The following STK17B variants were observed in gnomAD, a reference collection of about 807,000 sequenced individuals.
The protein encoded by STK17B is serine/threonine kinase 17b.
Under a neutral mutation model 42.0 loss-of-function variants are expected in STK17B, and 21 were observed. The observed-to-expected ratio is 0.50, with a 90% CI of 0.35 to 0.72. The LOEUF is 0.72. Ranked by LOEUF, STK17B falls within the 30% of genes least tolerant of loss-of-function variation. The pLI is 0.00. For synonymous variants in STK17B, 143 were observed against 148.4 expected (o/e 0.96, Z 0.26); for missense variants, 349 against 446.0 (o/e 0.78, Z 1.96).
Position 196,134,079 on chromosome 2 carries a change from G to T in STK17B, c.*3368C>A, listed in dbSNP as rs530354952. On this transcript the variant is annotated 3_prime_UTR_variant, in exon 8 of 8. Coordinates refer to ENST00000263955, the MANE Select transcript of STK17B (RefSeq NM_004226.4). ...ATTTATAAATGTTGCTTAGAGGAAG[G>T]CTATTCAAAGCATGGTCCATTAACT... 242 of 152,300 alleles carry T rather than the reference G, an allele frequency of 1.6e-3. 1 individual carries two copies. The highest frequency in any genetic ancestry group is 5.6e-3 in the African/African-American group (234 of 41,574). 9.4% of individuals were successfully genotyped at this position (152,300 alleles called of 1,614,324 possible).
chr2:196,155,961 A>C (rs1386187442), intron 3 of STK17B: 2 of 154,632 alleles, frequency 1.3e-5, no homozygotes, highest in African/African-American at 4.8e-5. Flanking sequence ...ACAATGTATT[A>C]AGCAAAGTTT....
chr2:196,141,442 CT>C, intron 5 of STK17B, 145 bp from the exon 6 acceptor site: 1 of 624,310 alleles, frequency 1.6e-6, no homozygotes, highest in Non-Finnish European at 2.8e-6. Flanking sequence ...GGCAGATCAC[CT>C]GAGATCACAG....
In STK17B at chr2:196,156,627, T is replaced by C. The variant is rs2105702565; in HGVS notation, c.147A>G (p.Gln49=). Residue 49 remains glutamine, a synonymous_variant, in exon 3 of 8, where the codon CAA becomes CAG. Coordinates refer to ENST00000263955, the MANE Select transcript of STK17B (RefSeq NM_004226.4). The part of the protein sequence containing the change: ...LGRGKFAVVR[Q]CISKSTGQEY... Reference sequence around the variant, plus strand: ...CTTGGCCAGTAGATTTTGATATACATTGTCTAACCACAGCAAATTTTCCTC... The same window carrying C: ...CTTGGCCAGTAGATTTTGATATACACTGTCTAACCACAGCAAATTTTCCTC... 1 of 1,612,270 alleles carries C rather than the reference T, an allele frequency of 6.2e-7. No individual in the cohort carries two copies. Among genetic ancestry groups the C allele is most frequent in the Non-Finnish European group, 8.5e-7 (1 of 1,179,352 alleles).
intron 3 of STK17B, among the ~76,000 whole-genome samples, chr2:196,152,109 T>C (rs1165299341): frequency 0.019 from 2 of 104 alleles, no homozygotes; most frequent in African/African-American, 0.026. Flanking sequence ...AAAAGTGCCT[T>C]TTTTTTTTTT....
rs1219640688 is a variant in STK17B, at chr2:196,134,493, T to TC, written c.*2953dup. ...ATGTACTTGAATCATCCTGAAACCA[T>TC]CCCCCTAAACCCCCAGTCCTGTGGA... On this transcript the variant is annotated 3_prime_UTR_variant, in exon 8 of 8. Transcript: ENST00000263955. The TC allele has an allele frequency of 6.6e-6, 1 of 151,866 alleles. No homozygotes were observed. Among genetic ancestry groups the TC allele is most frequent in the East Asian group, 1.9e-4 (1 of 5,182 alleles). 9.4% of individuals were successfully genotyped at this position (151,866 alleles called of 1,614,324 possible).
chr2:196,152,874 A>C (rs563278183), intron 3 of STK17B, among the ~76,000 whole-genome samples: 37 of 152,356 alleles, frequency 2.4e-4, no homozygotes, highest in South Asian at 1.4e-3. Flanking sequence ...AATAGGAATG[A>C]GAGCAAGATT....
At chr2:196,171,615 CA>C (rs1297971877), upstream of STK17B, 1 of 152,032 alleles carries the variant, frequency 6.6e-6, no homozygotes, top group Non-Finnish European at 1.5e-5. Context: ...CGCCGTTCGC[CA>C]GATCCCTCCC....
At chr2:196,141,969 T>C (rs1203844839) in intron 5 of STK17B, among the ~76,000 whole-genome samples, 1 of 152,184 alleles carries the variant, frequency 6.6e-6, no homozygotes, top group Non-Finnish European at 1.5e-5. Flanking sequence ...ATTATTTTCT[T>C]AGATTAATTT....
rs1032688139 is a variant in STK17B at position 196,134,316 on chromosome 2, G to A, written c.*3131C>T. The A allele has an allele frequency of 6.6e-6, 1 of 151,848 alleles. No individual in the cohort carries two copies. The highest frequency in any genetic ancestry group is 2.4e-5 in the African/African-American group (1 of 41,296). 9.4% of individuals were successfully genotyped at this position (151,848 alleles called of 1,614,324 possible). A position where few individuals can be genotyped will look rare whatever the true frequency, so the allele number is the denominator to read the frequency against. ...GCCACGACCGGGCTGCATAGAAGGT[G>A]GGGGGCGGTGCCAAGCATTACTGCC... is the stretch of plus-strand genomic sequence containing the variant. On this transcript the variant is annotated 3_prime_UTR_variant, in exon 8 of 8. Transcript: ENST00000263955.
chr2:196,152,226 C>G (rs1699675081), intron 3 of STK17B, among the ~76,000 whole-genome samples: 1 of 151,998 alleles, frequency 6.6e-6, no homozygotes, highest in Admixed American at 6.5e-5. Context: ...CCTGCCTCAG[C>G]CTCCTGAGTA....
In STK17B at chr2:196,137,502, C is replaced by T. The variant is rs751279324; in HGVS notation, c.1064G>A (p.Arg355His). ...EDSSMVSKRF[R>H]FDDSLPNPHE... The stretch of plus-strand genomic sequence containing the variant: ...GGGATTGGGTAATGAGTCATCGAAA[C>T]GAAATCTTTTGGAAACCATGCTGCT... The change falls in exon 8 of 8, where the codon CGT becomes CAT. Residue 355 changes from arginine (R) to histidine (H), a missense_variant. By Grantham distance (29) the Arg-to-His change is conservative. Coordinates refer to ENST00000263955, the MANE Select transcript of STK17B (RefSeq NM_004226.4). The T allele has an allele frequency of 8.1e-6, 13 of 1,613,898 alleles. No homozygotes were observed. The highest frequency in any genetic ancestry group is 1.7e-5 in the Admixed American group (1 of 59,996).
intron 2 of STK17B, among the ~76,000 whole-genome samples, chr2:196,159,367 G>A (rs1323493840): frequency 6.8e-6 from 1 of 148,046 alleles, no homozygotes; most frequent in African/African-American, 2.5e-5. Context: ...ATGGAGTGCA[G>A]TGGCAGGATC....
Position 196,166,681 on chromosome 2 carries a change from T to C in STK17B, c.-44-3254A>G, listed in dbSNP as rs148526758. 2.1e-3 allele frequency among the ~76,000 whole-genome samples: 321 copies of C among 152,228 alleles called. 1 individual carries two copies. Among genetic ancestry groups the C allele is most frequent in the African/African-American group, 7.0e-3 (292 of 41,528 alleles). On this transcript the variant is annotated intron_variant, in intron 1 of 7. Coordinates refer to ENST00000263955, the MANE Select transcript of STK17B (RefSeq NM_004226.4). ...TCATTATAATAATTACCAAAAGAAT[T>C]TGGAAGTAGATCAGTGAAGGAAGGA...
upstream of STK17B, chr2:196,171,636 G>C (rs921720826): frequency 8.5e-5 from 13 of 152,156 alleles, no homozygotes; most frequent in Admixed American, 7.9e-4. Flanking sequence ...CCCTAGGTCG[G>C]GAGAGCCAAT....
Position 196,140,554 on chromosome 2 carries a change from G to A in STK17B, c.656+695C>T, listed in dbSNP as rs528521548. ...TGGGTGGGCCTGACCTAATTATTCT[G>A]CTTAACAAATACCTTCTTCTAGCTT... On this transcript the variant is annotated intron_variant, in intron 6 of 7. Transcript: ENST00000263955. Among the ~76,000 whole-genome samples, 7 of 144,846 alleles carry A rather than the reference G, an allele frequency of 4.8e-5. No individual in the cohort carries two copies. In the South Asian group the frequency reaches 1.3e-3, roughly 28 times the overall value.
At position 196,140,577 on chromosome 2, in the gene STK17B, C is replaced by CCTTTTT. The variant is rs1334737441; in HGVS notation, c.656+671_656+672insAAAAAG. On this transcript the variant is annotated intron_variant, in intron 6 of 7. Coordinates refer to ENST00000263955, the MANE Select transcript of STK17B (RefSeq NM_004226.4). The stretch of plus-strand genomic sequence containing the variant: ...CTGCTTAACAAATACCTTCTTCTAG[C>CCTTTTT]TTTTTTTTTTTTTTTTTTTTTTTGT... Among the ~76,000 whole-genome samples the CCTTTTT allele has an allele frequency of 4.9e-5, 5 of 101,478 alleles. 1 individual carries two copies. The highest frequency in any genetic ancestry group is 1.9e-5 in the Non-Finnish European group (1 of 51,760). 66.6% of individuals were successfully genotyped at this position (101,478 alleles called of 152,430 possible). A position where few individuals can be genotyped will look rare whatever the true frequency, so the allele number is the denominator to read the frequency against.
At position 196,137,345 on chromosome 2, in the gene STK17B, A is replaced by G; in HGVS notation, c.*102T>C. The G allele has an allele frequency of 1.6e-6, 2 of 1,257,016 alleles. No individual in the cohort carries two copies. The highest frequency in any genetic ancestry group is 2.2e-6 in the Non-Finnish European group (2 of 919,616). The allele number at this position is 1,257,016 out of a possible 1,614,324, so 77.9% of individuals were successfully genotyped here. ...CCTAAATTATTCCATGGAAAAGTGC[A>G]TTTACAATATAAACATGTCATATAT... On this transcript the variant is annotated 3_prime_UTR_variant, in exon 8 of 8. Transcript: ENST00000263955.
At chr2:196,145,850 T>G in intron 4 of STK17B, 61 bp downstream of exon 4, 1 of 1,485,464 alleles carries the variant, frequency 6.7e-7, no homozygotes, top group Non-Finnish European at 9.0e-7. Context: ...TTTGCAACTG[T>G]GCATACTAAG....
intron 3 of STK17B, among the ~76,000 whole-genome samples, chr2:196,150,388 A>G (rs1322345290): frequency 1.3e-5 from 2 of 152,158 alleles, no homozygotes; most frequent in Non-Finnish European, 2.9e-5. Context: ...GCATATATAC[A>G]TGTGCTATGT....
Sources: allele counts gnomAD v4.1 joint callset (sites outside exome capture counted in the v4.1 genomes callset), GRCh38; gene constraint gnomAD v4.1.1; transcripts MANE v1.5; gene names NCBI Gene and HGNC (gene_info 2026-07-23, HGNC 2026-07-21).